The following EYS variants were observed in gnomAD, a reference collection of about 807,000 sequenced individuals.
The protein encoded by EYS is protein eyes shut homolog.
Under a neutral mutation model 282.1 loss-of-function variants are expected in EYS, and 250 were observed. That is an observed-to-expected ratio of 0.89 (90% CI 0.80 to 0.98). The LOEUF (loss-of-function observed/expected upper bound fraction) is 0.98. Among genes scored for constraint, EYS ranks in the 50% least tolerant of loss-of-function variants. The pLI, the probability that EYS is intolerant of heterozygous loss-of-function variation, is 0.00. For missense variants in EYS, 4,016 were observed against 3,709.0 expected, an observed-to-expected ratio of 1.08 and a Z score of -2.15; for synonymous variants, 1,355 against 1,282.9, an observed-to-expected ratio of 1.06 and a Z score of -1.20.
intron 29 of EYS, 93 bp downstream of exon 29, chr6:64,388,597 A>G (rs1026368003): frequency 8.0e-7 from 1 of 1,248,368 alleles, no homozygotes; most frequent in African/African-American, 1.6e-5. Flanking sequence ...TAGCCAGAAA[A>G]TATTTCTAAA....
At chr6:64,643,071 T>A (rs964021654) in intron 22 of EYS, among the ~76,000 whole-genome samples, 1 of 150,238 alleles carries the variant, frequency 6.7e-6, no homozygotes, top group African/African-American at 2.4e-5. Flanking sequence ...GCCGAGATCA[T>A]GCCATTGCAC....
At position 64,566,247 on chromosome 6, in the gene EYS, A is replaced by G. The variant is rs184213209; in HGVS notation, c.5644+23976T>C. Among the ~76,000 whole-genome samples, 73 of 152,294 alleles carry G rather than the reference A, an allele frequency of 4.8e-4. 1 individual carries two copies. Among genetic ancestry groups the G allele is most frequent in the Middle Eastern group, 6.8e-3 (2 of 294 alleles). ...ACAAACAAATGGAACAAAGTATACT[A>G]TCTCTCTGTATTCTTTCTTGTATAC... On this transcript the variant is annotated intron_variant, in intron 26 of 42. Coordinates refer to ENST00000503581, the MANE Select transcript of EYS (RefSeq NM_001142800.2).
chr6:65,278,935 T>C (rs1768141610), intron 12 of EYS, among the ~76,000 whole-genome samples: 2 of 152,212 alleles, frequency 1.3e-5, no homozygotes, highest in South Asian at 4.2e-4. Flanking sequence ...CTGCTTGTAA[T>C]CCCAGCACTT....
chr6:64,283,735 C>T (rs1031425654), intron 30 of EYS, among the ~76,000 whole-genome samples: 4 of 152,102 alleles, frequency 2.6e-5, no homozygotes, highest in African/African-American at 7.2e-5. Context: ...ATTGGATTTA[C>T]AGTTCCACAT....
chr6:64,202,809 G>T (rs1207481544), intron 31 of EYS, among the ~76,000 whole-genome samples: 2 of 152,194 alleles, frequency 1.3e-5, no homozygotes, highest in Non-Finnish European at 2.9e-5. Flanking sequence ...GATGAAGGCA[G>T]AGATTAGAGT....
At chr6:64,978,280 A>G (rs2150114929) in intron 14 of EYS, among the ~76,000 whole-genome samples, 1 of 152,048 alleles carries the variant, frequency 6.6e-6, no homozygotes, top group East Asian at 2.0e-4. Flanking sequence ...GCCCTTAATA[A>G]TTATGCTAGA....
At chr6:64,002,584 C>T (rs1485757666) in intron 33 of EYS, among the ~76,000 whole-genome samples, 6 of 152,216 alleles carry the variant, frequency 3.9e-5, no homozygotes, top group African/African-American at 2.4e-5. Flanking sequence ...ACCTGCCCAT[C>T]TGCATGCTAC....
intron 26 of EYS, among the ~76,000 whole-genome samples, chr6:64,519,365 T>A (rs1428520306): frequency 6.6e-6 from 1 of 151,776 alleles, no homozygotes; most frequent in Non-Finnish European, 1.5e-5. Flanking sequence ...TCGTTGTAAG[T>A]CTTTGATATA....
At chr6:65,692,271 G>A (rs1216411929) in intron 1 of EYS, among the ~76,000 whole-genome samples, 1 of 150,062 alleles carries the variant, frequency 6.7e-6, no homozygotes, top group Non-Finnish European at 1.5e-5. Context: ...GGAAAGTGGG[G>A]AGGTGACGAA....
At chr6:65,591,547 T>G (rs1454702108) in intron 2 of EYS, among the ~76,000 whole-genome samples, 2 of 152,040 alleles carry the variant, frequency 1.3e-5, no homozygotes, top group Non-Finnish European at 2.9e-5. Flanking sequence ...GTTTATTTTC[T>G]TGCCTTTTTA....
chr6:65,317,825 CCTTT>C lies in EYS; in HGVS notation c.1766+17151_1766+17154del, dbSNP rs201156936. 3.8e-3 allele frequency among the ~76,000 whole-genome samples: 310 copies of C among 81,148 alleles called. 4 individuals carry two copies. The highest frequency in any genetic ancestry group is 6.1e-3 in the South Asian group (13 of 2,130). 53.2% of individuals were successfully genotyped at this position (81,148 alleles called of 152,430 possible). ...TCCTTCCTTCCTTCCTTCCTTCCTT[CCTTT>C]CTTTCTTTCTTTCTTTCTTTCTTTC... is the stretch of plus-strand genomic sequence containing the variant. On this transcript the variant is annotated intron_variant, in intron 11 of 42. Coordinates refer to ENST00000503581, the MANE Select transcript of EYS (RefSeq NM_001142800.2).
chr6:65,489,935 A>G (rs1027374863), intron 5 of EYS: 2 of 152,204 alleles, frequency 1.3e-5, no homozygotes, highest in African/African-American at 4.8e-5. Flanking sequence ...CAATGAGAAC[A>G]CATGGACACA....
At chr6:64,679,310 G>C (rs1769816924) in intron 22 of EYS, among the ~76,000 whole-genome samples, 2 of 151,994 alleles carry the variant, frequency 1.3e-5, no homozygotes, top group East Asian at 3.9e-4. Flanking sequence ...CTTTTCTCGG[G>C]CACTTTATCT....
chr6:63,745,704 A>G (rs1769194686), intron 41 of EYS, among the ~76,000 whole-genome samples: 1 of 152,238 alleles, frequency 6.6e-6, no homozygotes, highest in Non-Finnish European at 1.5e-5. Flanking sequence ...ATATTTTCAA[A>G]GAAACAAAGA....
intron 33 of EYS, among the ~76,000 whole-genome samples, chr6:64,044,033 A>G (rs1770511230): frequency 6.6e-6 from 1 of 152,152 alleles, no homozygotes; most frequent in South Asian, 2.1e-4. Flanking sequence ...TGGTTTCATT[A>G]GTTATGCTAA....
chr6:64,517,400 C>T (rs1293379315), intron 26 of EYS, among the ~76,000 whole-genome samples: 1 of 151,698 alleles, frequency 6.6e-6, no homozygotes, highest in Non-Finnish European at 1.5e-5. Flanking sequence ...AAAGCCATAC[C>T]TGTGGGAAGT....
At chr6:63,908,608 G>A (rs1320386928) in intron 35 of EYS, among the ~76,000 whole-genome samples, 2 of 151,690 alleles carry the variant, frequency 1.3e-5, no homozygotes, top group Non-Finnish European at 2.9e-5. Context: ...CCACCACCAC[G>A]CTCGGCTAAT....
intron 12 of EYS, among the ~76,000 whole-genome samples, chr6:65,251,813 A>G (rs1350304719): frequency 6.6e-6 from 1 of 151,750 alleles, no homozygotes; most frequent in Non-Finnish European, 1.5e-5. Flanking sequence ...GGGAAAGGAG[A>G]CTCCCAATGC....
At chr6:63,836,200 A>G (rs1417183122) in intron 36 of EYS, among the ~76,000 whole-genome samples, 3 of 152,204 alleles carry the variant, frequency 2.0e-5, no homozygotes, top group South Asian at 4.1e-4. Flanking sequence ...TGTATGAATT[A>G]CTGATATATT....
Sources: gnomAD v4.1 joint callset for allele counts (sites outside exome capture counted in the v4.1 genomes callset) on GRCh38, gnomAD v4.1.1 for gene constraint, MANE v1.5 for transcripts, NCBI Gene and HGNC (gene_info 2026-07-23, HGNC 2026-07-21) for gene names.